Variants in CELF1 observed in about 807,000 individuals in gnomAD.
The protein encoded by CELF1 is CUGBP Elav-like family member 1, also known as 50 kDa nuclear polyadenylated RNA-binding protein.
In CELF1, 10 loss-of-function variants were observed where a neutral mutation model predicts 61.8. The ratio of observed to expected loss-of-function variants is 0.16; its 90% CI spans 0.10 to 0.27. The LOEUF is 0.27. Ranked by LOEUF, CELF1 falls within the 10% of genes least tolerant of loss-of-function variation. CELF1 has a pLI of 1.00. For synonymous variants in CELF1, 236 were observed against 225.1 expected (o/e 1.05, Z -0.43); for missense variants, 380 against 639.1 (o/e 0.59, Z 4.37).
intron 3 of CELF1, chr11:47,496,055 G>C: frequency 1.0e-6 from 1 of 953,848 alleles, no homozygotes; most frequent in Non-Finnish European, 1.2e-6. Context: ...TGGAAAAACT[G>C]GAACAGAAGT....
intron 3 of CELF1, chr11:47,494,640 C>T (rs1228964716): frequency 2.0e-5 from 5 of 250,366 alleles, no homozygotes; most frequent in African/African-American, 1.2e-4. Flanking sequence ...CAAATTTTTC[C>T]CATCCTCTGG....
At chr11:47,527,588 T>G (rs2096291729) in intron 1 of CELF1, among the ~76,000 whole-genome samples, 1 of 152,212 alleles carries the variant, frequency 6.6e-6, no homozygotes. Context: ...GCCTCTTCAT[T>G]GTATATACTG....
At chr11:47,549,265 T>C (rs749240102) in intron 1 of CELF1, among the ~76,000 whole-genome samples, 1 of 152,146 alleles carries the variant, frequency 6.6e-6, no homozygotes, top group Non-Finnish European at 1.5e-5. Context: ...TCTTTCAAAA[T>C]AATAAAAATT....
intron 14 of CELF1, 114 bp downstream of exon 14, chr11:47,472,974 G>A (rs1291470579): frequency 8.2e-7 from 1 of 1,226,162 alleles, no homozygotes; most frequent in Non-Finnish European, 1.1e-6. Context: ...ACCTGCCCAT[G>A]GCCAAGTTAA....
At chr11:47,515,146 T>C (rs1307771406) in intron 1 of CELF1, among the ~76,000 whole-genome samples, 1 of 152,246 alleles carries the variant, frequency 6.6e-6, no homozygotes. Flanking sequence ...TTACTAACGC[T>C]TCTACCTATC....
chr11:47,480,162 C>T (rs1208976480), intron 9 of CELF1, among the ~76,000 whole-genome samples: 1 of 151,424 alleles, frequency 6.6e-6, no homozygotes, highest in African/African-American at 2.4e-5. Context: ...TCTCAGCTCA[C>T]TGCAACCTCC....
Position 47,471,722 on chromosome 11 carries a change from G to C in CELF1, c.*508C>G, listed in dbSNP as rs987309753. The C allele has an allele frequency of 6.5e-6, 1 of 152,844 alleles. No homozygotes were observed. The highest frequency in any genetic ancestry group is 2.4e-5 in the African/African-American group (1 of 41,444). The allele number at this position is 152,844 out of a possible 1,614,324, so 9.5% of individuals were successfully genotyped here. A position where few individuals can be genotyped will look rare whatever the true frequency, so the allele number is the denominator to read the frequency against. ...AGTCACTCCACTCTTCCCCAAAGCC[G>C]CTCTGCTCCCCACAGCTCCCAGGTG... is the stretch of plus-strand genomic sequence containing the variant. On this transcript the variant is annotated 3_prime_UTR_variant, in exon 15 of 15. Coordinates refer to ENST00000687097, the MANE Select transcript of CELF1 (RefSeq NM_001376376.1).
intron 6 of CELF1, among the ~76,000 whole-genome samples, chr11:47,485,548 T>C (rs1313644545): frequency 1.3e-5 from 2 of 151,656 alleles, no homozygotes; most frequent in African/African-American, 2.4e-5. Context: ...TGGAAGAGAA[T>C]ACACCTTTCA....
intron 3 of CELF1, among the ~76,000 whole-genome samples, chr11:47,498,029 T>C (rs989081035): frequency 6.6e-6 from 1 of 152,240 alleles, no homozygotes; most frequent in East Asian, 1.9e-4. Context: ...TATCATGATA[T>C]TCACTTTAAT....
chr11:47,514,537 CAG>C (rs1421714755), intron 1 of CELF1, among the ~76,000 whole-genome samples: 1 of 151,920 alleles, frequency 6.6e-6, no homozygotes, highest in Non-Finnish European at 1.5e-5. Context: ...ATGAGGCAAA[CAG>C]AGCATGCAAA....
intron 1 of CELF1, chr11:47,524,392 C>T (rs1242231671): frequency 6.6e-6 from 1 of 152,186 alleles, no homozygotes; most frequent in East Asian, 1.9e-4. Flanking sequence ...GTTTGGTACC[C>T]TCTCGCCAAG....
At chr11:47,538,400 T>C (rs1255576177) in intron 1 of CELF1, among the ~76,000 whole-genome samples, 1 of 152,150 alleles carries the variant, frequency 6.6e-6, no homozygotes, top group Admixed American at 6.5e-5. Flanking sequence ...TCCCAGCACT[T>C]TGGGAGGCCC....
Position 47,531,807 on chromosome 11 carries a change from T to C in CELF1, c.-154+21185A>G, listed in dbSNP as rs534793548. 6.1e-4 allele frequency among the ~76,000 whole-genome samples: 93 copies of C among 152,320 alleles called. 1 individual carries two copies. Among genetic ancestry groups the C allele is most frequent in the African/African-American group, 2.2e-3 (91 of 41,572 alleles). ...TCTCGTTAAGCACATTGTAAAGTAC[T>C]TTAAACTCAATATAGCATTTATCAT... On this transcript the variant is annotated intron_variant, in intron 1 of 14. Coordinates refer to ENST00000687097, the MANE Select transcript of CELF1 (RefSeq NM_001376376.1).
chr11:47,474,606 T>C (rs1024082634), intron 13 of CELF1, among the ~76,000 whole-genome samples: 3 of 152,248 alleles, frequency 2.0e-5, no homozygotes, highest in Non-Finnish European at 4.4e-5. Flanking sequence ...CCCTAGGGGA[T>C]ATAAGTGATT....
At chr11:47,565,194 C>G (rs557068375) in intron 1 of CELF1, 1 of 152,784 alleles carries the variant, frequency 6.5e-6, no homozygotes, top group East Asian at 1.9e-4. Flanking sequence ...TTCCTCTGGT[C>G]GAGGGTTGGG....
intron 1 of CELF1, among the ~76,000 whole-genome samples, chr11:47,539,461 C>T (rs1481596716): frequency 6.6e-6 from 1 of 152,030 alleles, no homozygotes; most frequent in Non-Finnish European, 1.5e-5. Flanking sequence ...AGACCAGTCA[C>T]GGCTAACATG....
At chr11:47,501,647 T>C (rs1453943174) in intron 1 of CELF1, among the ~76,000 whole-genome samples, 2 of 151,630 alleles carry the variant, frequency 1.3e-5, no homozygotes, top group Non-Finnish European at 2.9e-5. Context: ...AAACCCCATC[T>C]CTACTAAAAA....
chr11:47,516,695 G>A (rs1296257942), intron 1 of CELF1, among the ~76,000 whole-genome samples: 2 of 151,780 alleles, frequency 1.3e-5, no homozygotes, highest in Non-Finnish European at 2.9e-5. Context: ...CTGCCTCCCA[G>A]TTGTAAGCAA....
At chr11:47,480,953 A>G (rs1365996023) in intron 9 of CELF1, among the ~76,000 whole-genome samples, 1 of 152,040 alleles carries the variant, frequency 6.6e-6, no homozygotes, top group Non-Finnish European at 1.5e-5. Flanking sequence ...CAGTGAGCAG[A>G]GATTGCGCCA....
Sources: gnomAD v4.1 joint callset for allele counts (sites outside exome capture counted in the v4.1 genomes callset) on GRCh38, gnomAD v4.1.1 for gene constraint, MANE v1.5 for transcripts, NCBI Gene and HGNC (gene_info 2026-07-23, HGNC 2026-07-21) for gene names.